PDE4D: variants seen among roughly 807,000 people sequenced by gnomAD.
The protein encoded by PDE4D is 3',5'-cyclic-AMP phosphodiesterase 4D.
A neutral mutation model predicts 87.4 loss-of-function variants in PDE4D; 24 were observed. The observed-to-expected ratio is 0.27, with a 90% CI of 0.20 to 0.39. The LOEUF (loss-of-function observed/expected upper bound fraction) is 0.39, where lower values mean the gene tolerates loss of function less well. Ranked by LOEUF, PDE4D falls within the 10% of genes least tolerant of loss-of-function variation. PDE4D has a pLI of 1.00. For synonymous variants in PDE4D, 384 were observed against 383.2 expected, an observed-to-expected ratio of 1.00 and a Z score of -0.02; for missense variants, 714 against 1,041.0, an observed-to-expected ratio of 0.69 and a Z score of 4.32.
chr5:59,650,630 A>ATAAGTAAAC (rs1412494533), intron 1 of PDE4D, among the ~76,000 whole-genome samples: 1 of 152,234 alleles, frequency 6.6e-6, no homozygotes, highest in Non-Finnish European at 1.5e-5. Context: ...ATTAAAAAAA[A>ATAAGTAAAC]TAAGTAAACA....
chr5:59,916,082 C>T (rs1396613885), intron 3 of PDE4D, among the ~76,000 whole-genome samples: 1 of 152,056 alleles, frequency 6.6e-6, no homozygotes, highest in Non-Finnish European at 1.5e-5. Context: ...CCCCAAAATA[C>T]GGGTAGTCAG....
At chr5:59,396,922 G>A (rs1156272480) in intron 1 of PDE4D, among the ~76,000 whole-genome samples, 2 of 114,598 alleles carry the variant, frequency 1.7e-5, no homozygotes, top group Admixed American at 1.7e-4. Flanking sequence ...AAAAAGGCAG[G>A]GGTTGCAATC....
intron 2 of PDE4D, among the ~76,000 whole-genome samples, chr5:60,165,364 AT>A (rs1782795508): frequency 7.1e-6 from 1 of 141,816 alleles, no homozygotes; most frequent in Non-Finnish European, 1.5e-5. Flanking sequence ...CCATTGGTCT[AT>A]CTGTTTGTTT....
At chr5:60,361,048 G>A (rs1760017807) in intron 1 of PDE4D, among the ~76,000 whole-genome samples, 1 of 152,212 alleles carries the variant, frequency 6.6e-6, no homozygotes. Flanking sequence ...ACCCTACAAA[G>A]TGAGTAAGCC....
chr5:59,554,386 AAAG>A (rs1435827827), intron 1 of PDE4D, among the ~76,000 whole-genome samples: 2 of 152,108 alleles, frequency 1.3e-5, no homozygotes, highest in Non-Finnish European at 2.9e-5. Flanking sequence ...ATTGAGGCTT[AAAG>A]AAGTGGCCTG....
chr5:59,250,365 C>T (rs150802289), intron 1 of PDE4D, among the ~76,000 whole-genome samples: 11 of 149,602 alleles, frequency 7.4e-5, no homozygotes, highest in Admixed American at 3.3e-4. Flanking sequence ...TGGTGGGGCA[C>T]GCCTGTTGTT....
At chr5:60,478,879 T>A (rs1329860294) in intron 1 of PDE4D, among the ~76,000 whole-genome samples, 1 of 152,148 alleles carries the variant, frequency 6.6e-6, no homozygotes, top group Non-Finnish European at 1.5e-5. Context: ...CACATCTTTG[T>A]ATGAGGAGAA....
chr5:59,443,994 T>G (rs377624258), intron 1 of PDE4D, among the ~76,000 whole-genome samples: 2 of 152,300 alleles, frequency 1.3e-5, no homozygotes, highest in African/African-American at 4.8e-5. Context: ...CTCTTCTCAG[T>G]GAGCTAGTAA....
At chr5:59,799,828 G>A (rs1473198438) in intron 1 of PDE4D, among the ~76,000 whole-genome samples, 1 of 152,044 alleles carries the variant, frequency 6.6e-6, no homozygotes, top group African/African-American at 2.4e-5. Flanking sequence ...GAAGTACAGG[G>A]GTACTCTGAA....
At chr5:59,808,139 C>T (rs1386492397) in intron 1 of PDE4D, among the ~76,000 whole-genome samples, 1 of 152,188 alleles carries the variant, frequency 6.6e-6, no homozygotes, top group Non-Finnish European at 1.5e-5. Flanking sequence ...TGTGCCAAAC[C>T]CAGCTCTGTT....
At chr5:60,142,238 G>C (rs58571965) in intron 2 of PDE4D, among the ~76,000 whole-genome samples, 1,939 of 144,020 alleles carry the variant, frequency 0.013, 44 homozygotes, top group East Asian at 0.054. Flanking sequence ...GGGAGGGAGG[G>C]AAGAAGGAAG....
At chr5:59,563,662 G>T (rs540366599) in intron 1 of PDE4D, among the ~76,000 whole-genome samples, 11 of 152,248 alleles carry the variant, frequency 7.2e-5, no homozygotes, top group African/African-American at 2.6e-4. Flanking sequence ...AAAAAGTGAA[G>T]ACATCAGCCC....
intron 1 of PDE4D, among the ~76,000 whole-genome samples, chr5:59,485,699 ATC>A (rs1199145850): frequency 6.6e-6 from 1 of 152,142 alleles, no homozygotes; most frequent in Non-Finnish European, 1.5e-5. Context: ...AGAAGGTAAA[ATC>A]TCTAAATGCT....
chr5:59,304,542 T>C (rs893873670), intron 1 of PDE4D, among the ~76,000 whole-genome samples: 21 of 152,270 alleles, frequency 1.4e-4, no homozygotes, highest in African/African-American at 4.1e-4. Flanking sequence ...TTGTCATAGA[T>C]AGTTTTTATT....
chr5:59,743,713 G>T (rs889307526), intron 1 of PDE4D, among the ~76,000 whole-genome samples: 4 of 152,126 alleles, frequency 2.6e-5, no homozygotes, highest in African/African-American at 9.7e-5. Context: ...AGACATTTGT[G>T]CAAGTTTCTT....
rs57610513 is a variant in PDE4D at position 59,220,377 on chromosome 5, CAAA to C, written c.456-4412_456-4410del. 3.0e-3 allele frequency among the ~76,000 whole-genome samples: 107 copies of C among 36,126 alleles called. 1 individual carries two copies. The highest frequency in any genetic ancestry group is 6.3e-3 in the African/African-American group (97 of 15,412). 23.7% of individuals were successfully genotyped at this position (36,126 alleles called of 152,430 possible). On this transcript the variant is annotated intron_variant, in intron 1 of 14. Transcript: ENST00000340635. The stretch of plus-strand genomic sequence containing the variant: ...TAGGCGACAGAGCATGACTCTGTCT[CAAA>C]AAAAAAAAAAAAAAAAAAAAAAGAA...
rs1467941958 is a variant in PDE4D, at chr5:59,275,610, G to A, written c.456-59642C>T. 10 of 1,350,492 alleles carry A rather than the reference G, an allele frequency of 7.4e-6. No individual in the cohort carries two copies. The South Asian group carries it at 1.5e-4, about 21-fold the overall frequency. 83.7% of individuals were successfully genotyped at this position (1,350,492 alleles called of 1,614,324 possible). A position where few individuals can be genotyped will look rare whatever the true frequency, so the allele number is the denominator to read the frequency against. Reference sequence around the variant, plus strand: ...CAGGAGCGCTTTCTTCCTTCATACTGAATTTACTCCAGTACTAGGCTGTTA... The same window carrying A: ...CAGGAGCGCTTTCTTCCTTCATACTAAATTTACTCCAGTACTAGGCTGTTA... On this transcript the variant is annotated intron_variant, in intron 1 of 14. Coordinates refer to ENST00000340635, the MANE Select transcript of PDE4D (RefSeq NM_001104631.2).
At chr5:60,507,973 G>A (rs983705494) in intron 1 of PDE4D, among the ~76,000 whole-genome samples, 9 of 152,206 alleles carry the variant, frequency 5.9e-5, no homozygotes, top group African/African-American at 9.7e-5. Context: ...TAGTTCGAGC[G>A]CATAGAGCCT....
intron 6 of PDE4D, among the ~76,000 whole-genome samples, chr5:59,027,882 G>T (rs979697875): frequency 9.2e-5 from 14 of 151,964 alleles, no homozygotes; most frequent in African/African-American, 3.4e-4. Flanking sequence ...CTGGGGTATG[G>T]TAGCTTCTAG....
Sources: gnomAD v4.1 joint callset for allele counts (sites outside exome capture counted in the v4.1 genomes callset) on GRCh38, gnomAD v4.1.1 for gene constraint, MANE v1.5 for transcripts, NCBI Gene and HGNC (gene_info 2026-07-23, HGNC 2026-07-21) for gene names.